FUBP3: variants seen among roughly 807,000 people sequenced by gnomAD.
FUBP3 encodes the protein far upstream element-binding protein 3.
Under a neutral mutation model 85.6 loss-of-function variants are expected in FUBP3, and 28 were observed. That is an observed-to-expected ratio of 0.33 (90% CI 0.24 to 0.45). The LOEUF (loss-of-function observed/expected upper bound fraction) is 0.45, where lower values mean the gene tolerates loss of function less well. Ranked by LOEUF, FUBP3 falls within the 20% of genes least tolerant of loss-of-function variation. The probability of loss-of-function intolerance (pLI) is 1.00; values close to 1 mark genes in which losing one functional copy is unlikely to be tolerated. For synonymous variants in FUBP3, 271 were observed against 271.4 expected (o/e 1.00, Z 0.01); for missense variants, 583 against 755.1 (o/e 0.77, Z 2.67).
intron 10 of FUBP3, among the ~76,000 whole-genome samples, chr9:130,623,270 G>C (rs1382786695): frequency 1.3e-5 from 2 of 152,170 alleles, no homozygotes; most frequent in African/African-American, 4.8e-5. Context: ...TCTGAAAAGA[G>C]GAAAACATGG....
chr9:130,626,641 C>T (rs1829988732), intron 12 of FUBP3, 136 bp downstream of exon 12: 1 of 809,680 alleles, frequency 1.2e-6, no homozygotes, highest in African/African-American at 1.7e-5. Context: ...AGGCAGTAGC[C>T]ACCTTCTGCC....
chr9:130,624,609 TTGTG>T (rs138986229), intron 11 of FUBP3, among the ~76,000 whole-genome samples: 11,381 of 143,800 alleles, frequency 0.079, 540 homozygotes, highest in African/African-American at 0.14. Flanking sequence ...TTACAAGATT[TTGTG>T]TGTGTGTGTG....
chr9:130,585,031 G>T (rs1011980147), intron 1 of FUBP3, among the ~76,000 whole-genome samples: 7 of 151,798 alleles, frequency 4.6e-5, no homozygotes, highest in African/African-American at 1.7e-4. Flanking sequence ...GTGGTGGCAC[G>T]CACCTGTAAT....
At chr9:130,601,990 T>C (rs1364156620) in intron 2 of FUBP3, among the ~76,000 whole-genome samples, 2 of 151,618 alleles carry the variant, frequency 1.3e-5, no homozygotes, top group Non-Finnish European at 2.9e-5. Context: ...TTAGTAGAGA[T>C]GGGGTTTCAC....
intron 10 of FUBP3, among the ~76,000 whole-genome samples, chr9:130,623,152 T>C (rs936733285): frequency 1.2e-4 from 18 of 152,180 alleles, no homozygotes; most frequent in Non-Finnish European, 1.2e-4. Context: ...TTGATTTTAT[T>C]AAATTGGAGA....
In FUBP3 at chr9:130,637,464, G is replaced by A. The variant is rs1372282037; in HGVS notation, c.*442G>A. 2 of 168,782 alleles carry A rather than the reference G, an allele frequency of 1.2e-5. No homozygotes were observed. The highest frequency in any genetic ancestry group is 2.6e-5 in the Non-Finnish European group (2 of 76,646). The allele number at this position is 168,782 out of a possible 1,614,324, so 10.5% of individuals were successfully genotyped here. On this transcript the variant is annotated 3_prime_UTR_variant, in exon 19 of 19. Transcript: ENST00000319725. The stretch of plus-strand genomic sequence containing the variant: ...AAGCAGTATTTAAGTATTCTTAAAT[G>A]TGTAAATTCATTTAATGTTTTACTT...
intron 18 of FUBP3, 86 bp downstream of exon 18, chr9:130,636,212 G>T (rs1226297791): frequency 2.0e-5 from 27 of 1,357,080 alleles, no homozygotes; most frequent in Non-Finnish European, 2.7e-5. Context: ...ACCCCAGGAT[G>T]AGAGCGCTGG....
chr9:130,615,216 T>C (rs1831940876), intron 6 of FUBP3, among the ~76,000 whole-genome samples: 1 of 152,210 alleles, frequency 6.6e-6, no homozygotes, highest in Non-Finnish European at 1.5e-5. Context: ...AGCATTTTTC[T>C]TCCAACACAG....
chr9:130,597,147 G>A (rs1442746700), intron 2 of FUBP3, among the ~76,000 whole-genome samples: 1 of 151,452 alleles, frequency 6.6e-6, no homozygotes, highest in Non-Finnish European at 1.5e-5. Context: ...GTGAGAACAT[G>A]TAATTTTTGT....
intron 2 of FUBP3, among the ~76,000 whole-genome samples, chr9:130,603,358 A>AAC (rs1554738527): frequency 1.0e-3 from 146 of 144,352 alleles, no homozygotes; most frequent in African/African-American, 3.7e-3. Flanking sequence ...AAAAAAAAAA[A>AAC]AAAAAAAAAA....
chr9:130,614,098 T>C (rs1473990999), intron 5 of FUBP3, among the ~76,000 whole-genome samples, 190 bp from the exon 6 acceptor site: 1 of 152,270 alleles, frequency 6.6e-6, no homozygotes, highest in Non-Finnish European at 1.5e-5. Flanking sequence ...GACTTGTTTC[T>C]ACTTCGAGAA....
chr9:130,637,326 G>A lies in FUBP3; in HGVS notation c.*304G>A, dbSNP rs752085496. The A allele has an allele frequency of 3.0e-4, 109 of 363,380 alleles. No homozygotes were observed. Among genetic ancestry groups the A allele is most frequent in the Non-Finnish European group, 4.5e-4 (89 of 197,128 alleles). The allele number at this position is 363,380 out of a possible 1,614,324, so 22.5% of individuals were successfully genotyped here. A position where few individuals can be genotyped will look rare whatever the true frequency, so the allele number is the denominator to read the frequency against. ...CAGAGCTGTGACATTTCAACATGAT[G>A]GTTTTGGTTTGGTTTGGTTTTGTGT... On this transcript the variant is annotated 3_prime_UTR_variant, in exon 19 of 19. Coordinates refer to ENST00000319725, the MANE Select transcript of FUBP3 (RefSeq NM_003934.2).
chr9:130,606,389 C>T (rs983777442), intron 2 of FUBP3, among the ~76,000 whole-genome samples: 4 of 145,732 alleles, frequency 2.7e-5, no homozygotes, highest in African/African-American at 1.1e-4. Flanking sequence ...TCTCTCCCCA[C>T]CCCCCCCCAA....
chr9:130,618,676 A>G (rs1588149105), intron 8 of FUBP3, among the ~76,000 whole-genome samples: 2 of 152,326 alleles, frequency 1.3e-5, no homozygotes, highest in East Asian at 3.9e-4. Context: ...CATTCAGAGT[A>G]GCTCCGGGGT....
chr9:130,598,006 A>G (rs1037805175), intron 2 of FUBP3, among the ~76,000 whole-genome samples: 1 of 152,234 alleles, frequency 6.6e-6, no homozygotes, highest in Non-Finnish European at 1.5e-5. Flanking sequence ...TTATTCCCCA[A>G]AAGGTAGACA....
chr9:130,625,790 A>G (rs1406082006), intron 11 of FUBP3, among the ~76,000 whole-genome samples: 3 of 152,140 alleles, frequency 2.0e-5, no homozygotes, highest in Non-Finnish European at 4.4e-5. Flanking sequence ...GTATCCCTGA[A>G]TGGTCACTCT....
In FUBP3 at chr9:130,631,546, T is replaced by C; in HGVS notation, c.1279-11T>C. 2 of 1,610,692 alleles carry C rather than the reference T, an allele frequency of 1.2e-6. No homozygotes were observed. The highest frequency in any genetic ancestry group is 1.7e-6 in the Non-Finnish European group (2 of 1,176,888). ...CAACAGCGGGTGAGAGCTCCCTCTGTGCCCCCACAGGGGACCAATCTCGGA... is the reference window on the plus strand; with the variant it reads ...CAACAGCGGGTGAGAGCTCCCTCTGCGCCCCCACAGGGGACCAATCTCGGA... On this transcript the variant is annotated splice_polypyrimidine_tract_variant and intron_variant, in intron 13 of 18. Coordinates refer to ENST00000319725, the MANE Select transcript of FUBP3 (RefSeq NM_003934.2).
intron 12 of FUBP3, among the ~76,000 whole-genome samples, chr9:130,627,349 G>A (rs1830018236): frequency 6.6e-6 from 1 of 152,194 alleles, no homozygotes; most frequent in Non-Finnish European, 1.5e-5. Flanking sequence ...GACAGCATGT[G>A]GAGAAAACAG....
chr9:130,632,209 C>A lies in FUBP3; in HGVS notation c.1441C>A (p.Pro481Thr), dbSNP rs758949511. Residue 481 changes from proline (P) to threonine (T), a missense_variant, in exon 16 of 19, where the codon CCG becomes ACG. Around this residue, in one of 3 missense-constraint regions of FUBP3, gnomAD observed 404 missense variants for 516.8 expected, o/e 0.78. Coordinates refer to ENST00000319725, the MANE Select transcript of FUBP3 (RefSeq NM_003934.2). The stretch of plus-strand genomic sequence containing the variant: ...CCCTCTTGTTATCCACAGTGGTCCT[C>A]CGGCCTTTCTGACCCAGGGCTGGGG... ...NPHSTPVSGP[P>T]AFLTQGWGST... 1 of 1,613,836 alleles carries A rather than the reference C, an allele frequency of 6.2e-7. No individual in the cohort carries two copies. The highest frequency in any genetic ancestry group is 2.2e-5 in the East Asian group (1 of 44,882).
Sources: gnomAD v4.1 joint callset for allele counts (sites outside exome capture counted in the v4.1 genomes callset) on GRCh38, gnomAD v4.1.1 for gene constraint, gnomAD v4.1.1 regional missense constraint, MANE v1.5 for transcripts, NCBI Gene and HGNC (gene_info 2026-07-23, HGNC 2026-07-21) for gene names.